CMSS1: variants seen among roughly 807,000 people sequenced by gnomAD.
The protein encoded by CMSS1 is protein CMSS1.
In CMSS1, 33 loss-of-function variants were observed where a neutral mutation model predicts 43.5. The observed-to-expected ratio is 0.76, with a 90% CI of 0.57 to 1.01. CMSS1 has a LOEUF of 1.01. CMSS1 is among the 50% of genes least tolerant of loss of function. The pLI is 0.00. For missense variants in CMSS1, 313 were observed against 326.4 expected (o/e 0.96, Z 0.32); for synonymous variants, 115 against 117.2 (o/e 0.98, Z 0.12).
At chr3:100,021,023 G>A (rs973953569) in intron 1 of CMSS1, among the ~76,000 whole-genome samples, 10 of 152,084 alleles carry the variant, frequency 6.6e-5, no homozygotes, top group South Asian at 4.1e-4. Flanking sequence ...CCTTGGCCTC[G>A]CAAAGTGCTA....
intron 1 of CMSS1, among the ~76,000 whole-genome samples, chr3:100,127,781 T>C (rs1212158621): frequency 1.3e-5 from 2 of 152,160 alleles, no homozygotes; most frequent in Admixed American, 6.5e-5. Context: ...CTGTTACTAG[T>C]GATCTTGTTG....
intron 1 of CMSS1, among the ~76,000 whole-genome samples, chr3:99,927,479 C>G (rs1440874819): frequency 2.0e-5 from 3 of 152,016 alleles, no homozygotes; most frequent in African/African-American, 7.2e-5. Flanking sequence ...AAGCGATTCA[C>G]CTGCCTCAGC....
At chr3:99,960,762 T>C (rs1708467367) in intron 1 of CMSS1, among the ~76,000 whole-genome samples, 1 of 152,232 alleles carries the variant, frequency 6.6e-6, no homozygotes, top group Admixed American at 6.5e-5. Flanking sequence ...TTTTCTGTTA[T>C]TGATTTTATG....
At chr3:100,032,237 G>A (rs928224813) in intron 1 of CMSS1, among the ~76,000 whole-genome samples, 2 of 152,214 alleles carry the variant, frequency 1.3e-5, no homozygotes, top group African/African-American at 4.8e-5. Flanking sequence ...CTTTCAGAGA[G>A]AGCAGATGGA....
chr3:99,831,914 C>G (rs1460881784), intron 1 of CMSS1, among the ~76,000 whole-genome samples: 2 of 152,204 alleles, frequency 1.3e-5, no homozygotes, highest in Non-Finnish European at 2.9e-5. Context: ...ACCTGGAACT[C>G]TAGCCTACCT....
intron 1 of CMSS1, among the ~76,000 whole-genome samples, chr3:100,034,698 A>G (rs2065077922): frequency 6.6e-6 from 1 of 152,232 alleles, no homozygotes; most frequent in African/African-American, 2.4e-5. Context: ...GAACCCTCAG[A>G]GTTCAAAGTA....
chr3:100,056,380 AC>A (rs2065464009), intron 1 of CMSS1, among the ~76,000 whole-genome samples: 2 of 152,204 alleles, frequency 1.3e-5, no homozygotes, highest in South Asian at 4.1e-4. Flanking sequence ...CTTTTTAGAA[AC>A]TTACAGCCTA....
At chr3:99,995,225 T>G (rs1709642554) in intron 1 of CMSS1, among the ~76,000 whole-genome samples, 1 of 152,080 alleles carries the variant, frequency 6.6e-6, no homozygotes, top group South Asian at 2.1e-4. Flanking sequence ...TGGAAGAAAT[T>G]GGCCAAAACA....
At chr3:100,054,189 G>C (rs556649362) in intron 1 of CMSS1, among the ~76,000 whole-genome samples, 1 of 152,298 alleles carries the variant, frequency 6.6e-6, no homozygotes, top group South Asian at 2.1e-4. Context: ...CTGTGAAGGA[G>C]GTTCAGAGCA....
At chr3:100,160,052 C>T in intron 2 of CMSS1, 2 of 400,498 alleles carry the variant, frequency 5.0e-6, no homozygotes, top group South Asian at 3.7e-5. Context: ...CTTAGTCACT[C>T]TAGTCAAAGA....
chr3:100,093,593 C>A (rs1254270067), intron 1 of CMSS1, among the ~76,000 whole-genome samples: 5 of 152,158 alleles, frequency 3.3e-5, no homozygotes. Flanking sequence ...TCTTACAGAA[C>A]TGTAGTGGAA....
chr3:99,982,843 A>G (rs958802205), intron 1 of CMSS1, among the ~76,000 whole-genome samples: 2 of 152,214 alleles, frequency 1.3e-5, no homozygotes, highest in Non-Finnish European at 2.9e-5. Flanking sequence ...ATGGTAATTT[A>G]TGCAGCAATA....
intron 1 of CMSS1, among the ~76,000 whole-genome samples, chr3:100,058,666 A>G (rs1384728292): frequency 6.6e-6 from 1 of 152,048 alleles, no homozygotes; most frequent in Non-Finnish European, 1.5e-5. Flanking sequence ...AACTGACTTC[A>G]TTTTACACCC....
chr3:99,971,151 C>T (rs1284797782), intron 1 of CMSS1, among the ~76,000 whole-genome samples: 1 of 152,158 alleles, frequency 6.6e-6, no homozygotes, highest in Non-Finnish European at 1.5e-5. Context: ...TCCTGGCTAA[C>T]ATGGTGAAAC....
intron 1 of CMSS1, among the ~76,000 whole-genome samples, chr3:100,105,549 T>G (rs1482107426): frequency 6.6e-6 from 1 of 152,170 alleles, no homozygotes; most frequent in Non-Finnish European, 1.5e-5. Flanking sequence ...GGCTATAAGA[T>G]TAACCGAAAA....
intron 1 of CMSS1, among the ~76,000 whole-genome samples, chr3:100,022,698 C>T (rs2064847454): frequency 6.6e-6 from 1 of 152,110 alleles, no homozygotes. Context: ...AGGTAGAAAA[C>T]CTAAGGTTCT....
At chr3:100,032,531 C>G (rs1215902557) in intron 1 of CMSS1, among the ~76,000 whole-genome samples, 1 of 152,120 alleles carries the variant, frequency 6.6e-6, no homozygotes, top group Non-Finnish European at 1.5e-5. Flanking sequence ...CCGAATTCCC[C>G]TTTCGCAAAA....
chr3:99,988,279 C>T (rs911709042), intron 1 of CMSS1, among the ~76,000 whole-genome samples: 11 of 146,046 alleles, frequency 7.5e-5, no homozygotes, highest in South Asian at 2.1e-4. Context: ...AGGCAAATCA[C>T]GAGGTTGGGA....
intron 1 of CMSS1, among the ~76,000 whole-genome samples, chr3:100,100,004 G>A (rs149817121): frequency 4.6e-5 from 7 of 152,298 alleles, no homozygotes; most frequent in African/African-American, 7.2e-5. Flanking sequence ...AAAAAAGTTT[G>A]ACACAGTTGT....
Sources: gnomAD v4.1 joint callset for allele counts (sites outside exome capture counted in the v4.1 genomes callset) on GRCh38, gnomAD v4.1.1 for gene constraint, MANE v1.5 for transcripts, NCBI Gene and HGNC (gene_info 2026-07-23, HGNC 2026-07-21) for gene names.